The following CRISP3 variants were observed in gnomAD, a reference collection of about 807,000 sequenced individuals.
The protein encoded by CRISP3 is cysteine-rich secretory protein 3.
CRISP3 carries 33 observed loss-of-function variants against 36.1 expected under a neutral mutation model. The observed-to-expected ratio is 0.91, with a 90% CI of 0.69 to 1.22. The LOEUF (loss-of-function observed/expected upper bound fraction) is 1.22, where lower values mean the gene tolerates loss of function less well. Ranked by LOEUF, CRISP3 falls within the 50% of genes most tolerant of loss-of-function variation. The pLI is 0.00. For synonymous variants in CRISP3, 117 were observed against 104.6 expected (o/e 1.12, Z -0.72); for missense variants, 330 against 301.2 (o/e 1.10, Z -0.71).
intron 1 of CRISP3, 141 bp from the exon 2 acceptor site, chr6:49,737,539 A>G (rs1329401091): frequency 2.4e-6 from 2 of 843,324 alleles, no homozygotes; most frequent in African/African-American, 1.7e-5. Flanking sequence ...GACTTGTCAC[A>G]TGGAGCCAGC....
rs1768959574 is a variant in CRISP3, at chr6:49,733,245, A to G, written c.510T>C (p.Cys170=). ...AGTATTTTAGAACTTTTTGATTGGGACAGTAGGCATTTCCACATCCAACGA... is the reference window on the plus strand; with the variant it reads ...AGTATTTTAGAACTTTTTGATTGGGGCAGTAGGCATTTCCACATCCAACGA... ...SYLVGCGNAY[C]PNQKVLKYYY... Residue 170 remains cysteine (C), a synonymous_variant, in exon 6 of 8, where the codon TGT becomes TGC. Transcript: ENST00000263045. 6.2e-7 allele frequency: 1 copy of G among 1,611,740 alleles called. No homozygotes were observed. Among genetic ancestry groups the G allele is most frequent in the Non-Finnish European group, 8.5e-7 (1 of 1,178,740 alleles).
At position 49,735,316 on chromosome 6, in the gene CRISP3, A is replaced by T. The variant is rs571451068; in HGVS notation, c.316+188T>A. 1.4e-4 allele frequency among the ~76,000 whole-genome samples: 22 copies of T among 152,240 alleles called. 1 individual carries two copies. In the South Asian group the frequency reaches 3.1e-3, roughly 21 times the overall value. Reference sequence around the variant, plus strand: ...TGATACTGTGTGAGACGGTTTTTGTAAAATTTATTTAAAACAGTAAGCACA... The same window carrying T: ...TGATACTGTGTGAGACGGTTTTTGTTAAATTTATTTAAAACAGTAAGCACA... On this transcript the variant is annotated intron_variant, in intron 4 of 7. Transcript: ENST00000263045.
Position 49,728,644 on chromosome 6 carries a change from GTA to G in CRISP3, c.*84_*85del. 8.8e-7 allele frequency: 1 copy of G among 1,136,084 alleles called. No homozygotes were observed. Among genetic ancestry groups the G allele is most frequent in the Non-Finnish European group, 1.2e-6 (1 of 847,792 alleles). The allele number at this position is 1,136,084 out of a possible 1,614,324, so 70.4% of individuals were successfully genotyped here. On this transcript the variant is annotated 3_prime_UTR_variant, in exon 8 of 8. Transcript: ENST00000263045. Reference sequence around the variant, plus strand: ...AAACATGCCTACAATTTCTCAGCTAGTATATGTTAAATCTAAGTAGATGCCAA... The same window carrying G: ...AAACATGCCTACAATTTCTCAGCTAGTATGTTAAATCTAAGTAGATGCCAA...
chr6:49,739,558 G>T lies in CRISP3; in HGVS notation c.38-2160C>A, dbSNP rs547742773. Among the ~76,000 whole-genome samples the T allele has an allele frequency of 2.1e-3, 313 of 152,268 alleles. 3 individuals carry two copies. Among genetic ancestry groups the T allele is most frequent in the African/African-American group, 7.2e-3 (300 of 41,556 alleles). On this transcript the variant is annotated intron_variant, in intron 1 of 7. Transcript: ENST00000263045. ...AGAATCTAGCACAATTCAGGGCTCA[G>T]GGAGTAAACAACTTGAATGAGATAA... is the stretch of plus-strand genomic sequence containing the variant.
At chr6:49,740,945 CA>C in intron 1 of CRISP3, among the ~76,000 whole-genome samples, 1 of 151,502 alleles carries the variant, frequency 6.6e-6, no homozygotes, top group East Asian at 2.0e-4. Flanking sequence ...ACTAAAAATA[CA>C]AAAAATTAGC....
rs989350172 is a variant in CRISP3, at chr6:49,728,189, G to C, written c.*541C>G. 6.6e-6 allele frequency: 1 copy of C among 152,154 alleles called. No homozygotes were observed. Among genetic ancestry groups the C allele is most frequent in the Non-Finnish European group, 1.5e-5 (1 of 68,010 alleles). 9.4% of individuals were successfully genotyped at this position (152,154 alleles called of 1,614,324 possible). On this transcript the variant is annotated 3_prime_UTR_variant, in exon 8 of 8. Transcript: ENST00000263045. ...CAAAATAAAAGTCAGGATTGTTTTA[G>C]GAGGAACAGCTTCAACTCAATTGTG...
At chr6:49,730,263 C>T (rs1367924671) in intron 7 of CRISP3, among the ~76,000 whole-genome samples, 1 of 151,866 alleles carries the variant, frequency 6.6e-6, no homozygotes, top group Non-Finnish European at 1.5e-5. Context: ...TTATTTACTC[C>T]TTTTTGCTAA....
At chr6:49,737,282 T>C (rs1248957649) in intron 2 of CRISP3, 43 bp downstream of exon 2, 3 of 1,531,132 alleles carry the variant, frequency 2.0e-6, no homozygotes, top group South Asian at 2.2e-5. Context: ...CCATCCCTCA[T>C]GGTTGCCTGA....
rs1768797332 is a variant in CRISP3, at chr6:49,727,601, T to C, written c.*1129A>G. On this transcript the variant is annotated 3_prime_UTR_variant, in exon 8 of 8. Transcript: ENST00000263045. ...CATCAGTTTTTTCATTACTGATCTT[T>C]TTCTGTTCCAGGATCTGATCCAAGA... 6.6e-6 allele frequency: 1 copy of C among 152,150 alleles called. No homozygotes were observed. The highest frequency in any genetic ancestry group is 2.4e-5 in the African/African-American group (1 of 41,458). The allele number at this position is 152,150 out of a possible 1,614,324, so 9.4% of individuals were successfully genotyped here.
chr6:49,728,560 T>C lies in CRISP3; in HGVS notation c.*170A>G. The C allele has an allele frequency of 4.1e-6, 2 of 489,966 alleles. No individual in the cohort carries two copies. The highest frequency in any genetic ancestry group is 6.5e-6 in the Non-Finnish European group (2 of 306,438). The allele number at this position is 489,966 out of a possible 1,614,324, so 30.4% of individuals were successfully genotyped here. On this transcript the variant is annotated 3_prime_UTR_variant, in exon 8 of 8. Transcript: ENST00000263045. ...TCTTTTTAACCATTTGTATGAAAAA[T>C]ATTTTTGTAAAATAAAAAGCAGATC... is the stretch of plus-strand genomic sequence containing the variant.
At chr6:49,742,737 G>C (rs1001632082) in intron 1 of CRISP3, among the ~76,000 whole-genome samples, 16 of 151,042 alleles carry the variant, frequency 1.1e-4, no homozygotes, top group Admixed American at 9.9e-4. Flanking sequence ...TCAAACATTT[G>C]TTGACAAAAA....
intron 6 of CRISP3, 130 bp downstream of exon 6, chr6:49,733,065 T>C: frequency 1.9e-6 from 1 of 515,518 alleles, no homozygotes; most frequent in Non-Finnish European, 3.3e-6. Context: ...TGAATGTGTC[T>C]CAACTTTAGA....
chr6:49,736,332 G>A, intron 3 of CRISP3, 59 bp downstream of exon 3: 2 of 1,088,156 alleles, frequency 1.8e-6, no homozygotes, highest in Non-Finnish European at 2.8e-6. Context: ...TTAGTTGCCA[G>A]CCGCCTACTC....
At chr6:49,733,599 C>T in intron 5 of CRISP3, 104 bp downstream of exon 5, 2 of 1,210,812 alleles carry the variant, frequency 1.7e-6, no homozygotes, top group Non-Finnish European at 2.3e-6. Context: ...TCTATATTCA[C>T]TTGAAATTTT....
chr6:49,737,598 T>A, intron 1 of CRISP3, 200 bp from the exon 2 acceptor site: 1 of 622,478 alleles, frequency 1.6e-6, no homozygotes. Flanking sequence ...ACTGGGACTA[T>A]AAAGAACAAA....
chr6:49,735,191 C>T (rs1769011340), intron 4 of CRISP3, among the ~76,000 whole-genome samples: 1 of 152,096 alleles, frequency 6.6e-6, no homozygotes, highest in Non-Finnish European at 1.5e-5. Context: ...AATTGCCAAT[C>T]ATCATTTTCT....
In CRISP3 at chr6:49,732,502, G is replaced by T. The variant is rs142073795; in HGVS notation, c.560+693C>A. Among the ~76,000 whole-genome samples the T allele has an allele frequency of 2.8e-4, 42 of 151,566 alleles. 1 individual carries two copies. The highest frequency in any genetic ancestry group is 1.0e-3 in the African/African-American group (42 of 41,332). On this transcript the variant is annotated intron_variant, in intron 6 of 7. Transcript: ENST00000263045. ...TCAATATATCCACAGATTTTTTTTC[G>T]TGAGTAGGTCAACTATATTGCTTGA...
At chr6:49,743,306 C>T (rs571501862) in intron 1 of CRISP3, among the ~76,000 whole-genome samples, 2 of 152,238 alleles carry the variant, frequency 1.3e-5, no homozygotes, top group South Asian at 4.1e-4. Flanking sequence ...TTCATCCCTG[C>T]CTGTTACAAA....
rs1261144813 is a variant in CRISP3 at position 49,735,540 on chromosome 6, T to C, written c.280A>G (p.Asn94Asp). Residue 94 changes from asparagine (N) to aspartate (D), a missense_variant, in exon 4 of 8, where the codon AAT (asparagine) becomes GAT (aspartate). Transcript: ENST00000263045. The stretch of plus-strand genomic sequence containing the variant: ...TCCTTTGGGTTACTGTGTCTGTAAT[T>C]GCACTGGTTTGCCCACTTTTGGGCA... ...ANAQKWANQC[N>D]YRHSNPKDRM... The C allele has an allele frequency of 1.9e-6, 3 of 1,612,674 alleles. No individual in the cohort carries two copies. In the African/African-American group the frequency reaches 4.0e-5, roughly 22 times the overall value.
Sources: gnomAD v4.1 joint callset for allele counts (sites outside exome capture counted in the v4.1 genomes callset) on GRCh38, gnomAD v4.1.1 for gene constraint, MANE v1.5 for transcripts, NCBI Gene and HGNC (gene_info 2026-07-23, HGNC 2026-07-21) for gene names.